ZNF462: variants seen among roughly 807,000 people sequenced by gnomAD.
ZNF462 encodes the protein zinc finger protein 462.
Under a neutral mutation model 201.9 loss-of-function variants are expected in ZNF462, and 10 were observed. That is an observed-to-expected ratio of 0.05 (90% CI 0.03 to 0.08). ZNF462 has a LOEUF of 0.08. Among genes scored for constraint, ZNF462 ranks in the 10% least tolerant of loss-of-function variants. The pLI is 1.00. For missense variants in ZNF462, 2,523 were observed against 3,168.3 expected, an observed-to-expected ratio of 0.80 and a Z score of 4.89; for synonymous variants, 1,227 against 1,193.3, an observed-to-expected ratio of 1.03 and a Z score of -0.58.
In ZNF462 at chr9:106,876,872, C is replaced by T. The variant is rs114813568; in HGVS notation, c.-31+13517C>T. Among the ~76,000 whole-genome samples, 898 of 152,276 alleles carry T rather than the reference C, an allele frequency of 5.9e-3. 10 individuals are homozygous for T. Among genetic ancestry groups the T allele is most frequent in the African/African-American group, 0.021 (855 of 41,538 alleles). ...CTGTTTATATAAATGTTGTCTGCCTCACTGTTGCTCTACTCACATACATAT... is the reference window on the plus strand; with the variant it reads ...CTGTTTATATAAATGTTGTCTGCCTTACTGTTGCTCTACTCACATACATAT... On this transcript the variant is annotated intron_variant, in intron 1 of 12. Transcript: ENST00000277225. The surrounding 1 kb of genome is among the most constrained non-coding windows in gnomAD (Gnocchi z 4.9).
chr9:107,006,756 G>C lies in ZNF462; in HGVS notation c.7190-2789G>C, dbSNP rs577049040. On this transcript the variant is annotated intron_variant, in intron 11 of 12. Transcript: ENST00000277225. The surrounding 1 kb of genome is among the most constrained non-coding windows in gnomAD (Gnocchi z 4.3). ...GGCTCTTGAACCCCTGACCAAGACA[G>C]TCAGCAGGAAATGACAGCCAAGGTA... 6.6e-6 allele frequency among the ~76,000 whole-genome samples: 1 copy of C among 152,128 alleles called. No homozygotes were observed. Among genetic ancestry groups the C allele is most frequent in the Non-Finnish European group, 1.5e-5 (1 of 68,026 alleles).
chr9:106,953,327 T>G (rs1831435829), intron 7 of ZNF462, among the ~76,000 whole-genome samples: 1 of 152,086 alleles, frequency 6.6e-6, no homozygotes, highest in African/African-American at 2.4e-5. Context: ...TGGCTCCCCC[T>G]CCCTCTCTCT....
Position 106,924,130 on chromosome 9 carries a change from T to C in ZNF462, c.221-3T>C. On this transcript the variant is annotated splice_polypyrimidine_tract_variant and splice_region_variant and intron_variant, in intron 2 of 12. Coordinates refer to ENST00000277225, the MANE Select transcript of ZNF462 (RefSeq NM_021224.6). The surrounding 1 kb of genome is among the most constrained non-coding windows in gnomAD (Gnocchi z 6.2). ...TGTCACTTTCCTTATGCTTTTTCTT[T>C]AGGTCAAAATGCAACTTCATTGGGG... 1 of 1,585,382 alleles carries C rather than the reference T, an allele frequency of 6.3e-7. No homozygotes were observed. Among genetic ancestry groups the C allele is most frequent in the Non-Finnish European group, 8.5e-7 (1 of 1,169,658 alleles).
intron 10 of ZNF462, among the ~76,000 whole-genome samples, chr9:106,986,412 C>G (rs1011138076): frequency 1.3e-5 from 2 of 152,112 alleles, no homozygotes; most frequent in Admixed American, 1.3e-4. Flanking sequence ...ATTGTTATAC[C>G]TTTCTCAGAA....
intron 1 of ZNF462, among the ~76,000 whole-genome samples, chr9:106,896,942 A>T (rs999455575): frequency 1.3e-5 from 2 of 152,196 alleles, no homozygotes; most frequent in South Asian, 2.1e-4. Flanking sequence ...ACACCCACAC[A>T]TTCCCTAAAA....
rs1184294474 is a variant in ZNF462, at chr9:106,929,429, G to A, written c.5517G>A (p.Gln1839=). ...AAGCCGAGGTGGAGGGTGAAGCTCA[G>A]GAAATCGAGTGGCTCCCATTCCGCT... is the stretch of plus-strand genomic sequence containing the variant. ...FEKAEVEGEA[Q]EIEWLPFRCI... Residue 1839 remains glutamine, a synonymous_variant, in exon 3 of 13, where the codon CAG becomes CAA. Coordinates refer to ENST00000277225, the MANE Select transcript of ZNF462 (RefSeq NM_021224.6). The surrounding 1 kb of genome is among the most constrained non-coding windows in gnomAD (Gnocchi z 8.7). 6.2e-7 allele frequency: 1 copy of A among 1,614,004 alleles called. No individual in the cohort carries two copies. The highest frequency in any genetic ancestry group is 8.5e-7 in the Non-Finnish European group (1 of 1,180,052).
In ZNF462 at chr9:106,989,887, C is replaced by A. The variant is rs138338046; in HGVS notation, c.7056+5478C>A. ...ATTTCTGTGGTGTCAGTTGTAATATCTGCCATTTCATTTCTTAATGAGGTT... is the reference window on the plus strand; with the variant it reads ...ATTTCTGTGGTGTCAGTTGTAATATATGCCATTTCATTTCTTAATGAGGTT... On this transcript the variant is annotated intron_variant, in intron 10 of 12. Transcript: ENST00000277225. 1.8e-4 allele frequency among the ~76,000 whole-genome samples: 27 copies of A among 152,234 alleles called. 1 individual carries two copies. The East Asian group carries it at 5.2e-3, about 29-fold the overall frequency.
rs1829913563 is a variant in ZNF462, at chr9:107,011,324, T to C, written c.*294T>C. ...ATGGAAGCACCTCCCAATGGTACGG[T>C]GCACCCTGTGGTGGTCTTGGACAGT... On this transcript the variant is annotated 3_prime_UTR_variant, in exon 13 of 13. Transcript: ENST00000277225. The surrounding 1 kb of genome is among the most constrained non-coding windows in gnomAD (Gnocchi z 5.6). 2 of 362,938 alleles carry C rather than the reference T, an allele frequency of 5.5e-6. No homozygotes were observed. Among genetic ancestry groups the C allele is most frequent in the East Asian group, 6.4e-5 (1 of 15,690 alleles). The allele number at this position is 362,938 out of a possible 1,614,324, so 22.5% of individuals were successfully genotyped here.
At chr9:106,906,326 G>T (rs1399253301) in intron 1 of ZNF462, among the ~76,000 whole-genome samples, 1 of 152,176 alleles carries the variant, frequency 6.6e-6, no homozygotes, top group African/African-American at 2.4e-5. Flanking sequence ...TGTTCTTGCA[G>T]TCAATCTGGA....
At chr9:106,971,484 T>A (rs907705209) in intron 7 of ZNF462, among the ~76,000 whole-genome samples, 1 of 151,868 alleles carries the variant, frequency 6.6e-6, no homozygotes, top group African/African-American at 2.4e-5. Flanking sequence ...CAAAGTCAGA[T>A]TAAAAGAGGT....
chr9:106,956,892 G>T (rs1831600317), intron 7 of ZNF462, among the ~76,000 whole-genome samples: 1 of 152,132 alleles, frequency 6.6e-6, no homozygotes, highest in African/African-American at 2.4e-5. Flanking sequence ...TTTGGATTAG[G>T]CTTTGGCTTA....
intron 7 of ZNF462, among the ~76,000 whole-genome samples, chr9:106,943,010 G>A (rs1419472948): frequency 6.6e-6 from 1 of 151,684 alleles, no homozygotes; most frequent in Non-Finnish European, 1.5e-5. Context: ...CAGACCAGGT[G>A]CAAAATGAAT....
At chr9:106,945,889 C>T (rs1236472097) in intron 7 of ZNF462, among the ~76,000 whole-genome samples, 1 of 152,172 alleles carries the variant, frequency 6.6e-6, no homozygotes, top group Non-Finnish European at 1.5e-5. Context: ...CAAAGAGCAA[C>T]CCTCCAATAT....
intron 7 of ZNF462, among the ~76,000 whole-genome samples, chr9:106,969,603 A>G (rs376260637): frequency 4.6e-5 from 7 of 152,100 alleles, no homozygotes; most frequent in African/African-American, 1.7e-4. Flanking sequence ...TAGTTTTGCT[A>G]GAAAGGGACT....
At chr9:106,900,018 A>G (rs781311395) in intron 1 of ZNF462, among the ~76,000 whole-genome samples, 2 of 142,738 alleles carry the variant, frequency 1.4e-5, no homozygotes, top group African/African-American at 2.6e-5. Context: ...CCAAGTCCCC[A>G]AAGTCCATTG....
chr9:106,992,571 T>C (rs188100195), intron 10 of ZNF462, among the ~76,000 whole-genome samples: 43 of 152,234 alleles, frequency 2.8e-4, no homozygotes, highest in Non-Finnish European at 5.4e-4. Context: ...TATTGATACA[T>C]TTAACAGCAT....
chr9:106,938,856 G>T lies in ZNF462; in HGVS notation c.6236-60G>T, dbSNP rs745945209. ...AACTGAGTTATCTTGTTTCCACCCT[G>T]GCCTTATACCCTTCTCCCCTCTTTT... On this transcript the variant is annotated intron_variant, in intron 6 of 12. Transcript: ENST00000277225. This position sits in a 1 kb window ranked among gnomAD's most constrained non-coding sequence, Gnocchi z 4.4. The T allele has an allele frequency of 2.5e-5, 38 of 1,496,086 alleles. No homozygotes were observed. The highest frequency in any genetic ancestry group is 3.3e-5 in the Non-Finnish European group (37 of 1,110,570). The allele number at this position is 1,496,086 out of a possible 1,614,324, so 92.7% of individuals were successfully genotyped here. A position where few individuals can be genotyped will look rare whatever the true frequency, so the allele number is the denominator to read the frequency against.
rs1266407827 is a variant in ZNF462 at position 106,880,795 on chromosome 9, G to A, written c.-31+17440G>A. ...AAAAGGAATGTCTAGTAGGCAGTGT[G>A]GGGACCTGGACTCCCAAGATGGATT... On this transcript the variant is annotated intron_variant, in intron 1 of 12. Transcript: ENST00000277225. This position sits in a 1 kb window ranked among gnomAD's most constrained non-coding sequence, Gnocchi z 4.1. 6.6e-6 allele frequency among the ~76,000 whole-genome samples: 1 copy of A among 152,176 alleles called. No homozygotes were observed. Among genetic ancestry groups the A allele is most frequent in the Non-Finnish European group, 1.5e-5 (1 of 68,034 alleles).
chr9:106,932,140 G>A lies in ZNF462; in HGVS notation c.6013-306G>A. Reference sequence around the variant, plus strand: ...TAGGGGTAGCTGGAGAGGCAGGGGAGGAAGCTTTGACAAGAAGTGCTGTTG... The same window carrying A: ...TAGGGGTAGCTGGAGAGGCAGGGGAAGAAGCTTTGACAAGAAGTGCTGTTG... On this transcript the variant is annotated intron_variant, in intron 4 of 12. Coordinates refer to ENST00000277225, the MANE Select transcript of ZNF462 (RefSeq NM_021224.6). This position sits in a 1 kb window ranked among gnomAD's most constrained non-coding sequence, Gnocchi z 6.8. The A allele has an allele frequency of 7.0e-7, 1 of 1,425,432 alleles. No individual in the cohort carries two copies. The highest frequency in any genetic ancestry group is 9.3e-7 in the Non-Finnish European group (1 of 1,072,328). The allele number at this position is 1,425,432 out of a possible 1,614,324, so 88.3% of individuals were successfully genotyped here. A position where few individuals can be genotyped will look rare whatever the true frequency, so the allele number is the denominator to read the frequency against.
Sources: gnomAD v4.1 joint callset for allele counts (sites outside exome capture counted in the v4.1 genomes callset) on GRCh38, gnomAD v4.1.1 for gene constraint, Gnocchi (gnomAD v3.1) non-coding constraint, MANE v1.5 for transcripts, NCBI Gene and HGNC (gene_info 2026-07-23, HGNC 2026-07-21) for gene names.